Variants in SPRY3 observed in about 807,000 individuals in gnomAD.
SPRY3 encodes sprouty RTK signaling antagonist 3.
In SPRY3, 15 loss-of-function variants were observed where a neutral mutation model predicts 20.2. The ratio of observed to expected loss-of-function variants is 0.74; its 90% CI spans 0.50 to 1.14. The LOEUF (loss-of-function observed/expected upper bound fraction) is 1.14. Among genes scored for constraint, SPRY3 ranks in the 50% most tolerant of loss-of-function variants. SPRY3 has a pLI of 0.00. For synonymous variants in SPRY3, 143 were observed against 136.5 expected (o/e 1.05, Z -0.33); for missense variants, 364 against 363.9 (o/e 1.00, Z 0.00).
intron 2 of SPRY3, among the ~76,000 whole-genome samples, chrX:155,695,196 T>C (rs2068115015): frequency 9.0e-6 from 1 of 111,703 alleles, no homozygotes; most frequent in African/African-American, 3.3e-5. Context: ...GTTTTCCTTA[T>C]CTAGAAATGT....
chrX:155,759,488 G>A (rs1206771882), intron 2 of SPRY3, among the ~76,000 whole-genome samples: 2 of 151,902 alleles, frequency 1.3e-5, no homozygotes, highest in East Asian at 3.9e-4. Context: ...CTTGAAAACA[G>A]GGATTCATTT....
chrX:155,712,020 C>A (rs2124543166), intron 2 of SPRY3, among the ~76,000 whole-genome samples: 1 of 151,708 alleles, frequency 6.6e-6, no homozygotes, highest in South Asian at 2.1e-4. Flanking sequence ...TCCAAAATTT[C>A]TCTTGTTATT....
chrX:155,708,085 T>C (rs1230910785), intron 2 of SPRY3, among the ~76,000 whole-genome samples: 1 of 151,264 alleles, frequency 6.6e-6, no homozygotes, highest in Non-Finnish European at 1.5e-5. Context: ...ATTTTGTTAA[T>C]GGCTGCTCCA....
chrX:155,754,014 A>T lies in SPRY3; in HGVS notation c.-281-13948A>T, dbSNP rs141538142. Reference sequence around the variant, plus strand: ...TCCTTATCAGATATATGACTGGTAAACATTTTCTCCTATTCTGTGGGTTGC... The same window carrying T: ...TCCTTATCAGATATATGACTGGTAATCATTTTCTCCTATTCTGTGGGTTGC... On this transcript the variant is annotated intron_variant, in intron 2 of 3. Coordinates refer to ENST00000675360, the Ensembl canonical transcript of SPRY3. Among the ~76,000 whole-genome samples the T allele has an allele frequency of 7.4e-3, 1,130 of 152,056 alleles. 7 individuals carry two copies. Among genetic ancestry groups the T allele is most frequent in the Middle Eastern group, 0.017 (5 of 294 alleles).
At chrX:155,719,188 T>A (rs1282440696) in intron 2 of SPRY3, among the ~76,000 whole-genome samples, 1 of 152,124 alleles carries the variant, frequency 6.6e-6, no homozygotes, top group East Asian at 1.9e-4. Context: ...TTGTGAGGCA[T>A]TGAGTTTCGT....
intron 2 of SPRY3, among the ~76,000 whole-genome samples, chrX:155,729,019 A>G (rs2091116876): frequency 1.3e-5 from 2 of 152,302 alleles, no homozygotes; most frequent in South Asian, 4.1e-4. Flanking sequence ...GCAAGAGGAT[A>G]TAACAATTTT....
At chrX:155,637,620 G>T (rs1054019894) in intron 1 of SPRY3, among the ~76,000 whole-genome samples, 13 of 111,274 alleles carry the variant, frequency 1.2e-4, no homozygotes, top group Non-Finnish European at 2.3e-4. Flanking sequence ...GCATCATCAG[G>T]CCTGTGCTCC....
intron 2 of SPRY3, among the ~76,000 whole-genome samples, chrX:155,739,056 T>TG (rs947502410): frequency 3.3e-5 from 5 of 152,062 alleles, no homozygotes; most frequent in Non-Finnish European, 5.9e-5. Context: ...ATTGAGTTCC[T>TG]GGGGGGAGGG....
intron 2 of SPRY3, among the ~76,000 whole-genome samples, chrX:155,706,940 G>T (rs2090955999): frequency 6.6e-6 from 1 of 150,938 alleles, no homozygotes; most frequent in Admixed American, 6.6e-5. Context: ...ACAATTTATG[G>T]TTTAAATGAT....
chrX:155,778,286 G>T (rs1188819702), downstream of SPRY3: 2 of 167,064 alleles, frequency 1.2e-5, no homozygotes, highest in African/African-American at 2.4e-5. Context: ...CAACCTAGGA[G>T]TTAAAATAAG....
intron 1 of SPRY3, among the ~76,000 whole-genome samples, chrX:155,638,331 T>G (rs1557351203): frequency 3.5e-4 from 1 of 2,830 alleles, no homozygotes; most frequent in Non-Finnish European, 1.6e-3. Flanking sequence ...TATATATATA[T>G]ATATATATAT....
chrX:155,711,530 T>C (rs748826607), intron 2 of SPRY3, among the ~76,000 whole-genome samples: 144 of 151,822 alleles, frequency 9.5e-4, no homozygotes, highest in African/African-American at 3.3e-3. Context: ...TTTTATTTAT[T>C]TGGGCCTCTC....
At chrX:155,649,411 C>T (rs782528484) in intron 1 of SPRY3, among the ~76,000 whole-genome samples, 4 of 111,392 alleles carry the variant, frequency 3.6e-5, no homozygotes, top group Non-Finnish European at 7.5e-5. Context: ...TGTCAAAAAG[C>T]TTATCCACCA....
chrX:155,717,393 AC>A lies in SPRY3; in HGVS notation c.-281-50567del, dbSNP rs1460280420. Among the ~76,000 whole-genome samples, 5 of 152,026 alleles carry A rather than the reference AC, an allele frequency of 3.3e-5. No individual in the cohort carries two copies. In the East Asian group the frequency reaches 7.8e-4, roughly 24 times the overall value. ...CTGTAGGTCATCCCTCTTGTTTACT[AC>A]CTTTTTAAAAATACTTTAAGTTCTG... On this transcript the variant is annotated intron_variant, in intron 2 of 3. Transcript: ENST00000675360.
downstream of SPRY3, chrX:155,778,119 A>G (rs1428930642): frequency 6.0e-6 from 1 of 167,058 alleles, no homozygotes; most frequent in Non-Finnish European, 1.5e-5. Flanking sequence ...AAAAGGTAAC[A>G]ATTGTAAATG....
At chrX:155,667,552 T>A (rs782450191) in intron 2 of SPRY3, among the ~76,000 whole-genome samples, 2 of 111,272 alleles carry the variant, frequency 1.8e-5, no homozygotes, top group South Asian at 3.7e-4. Flanking sequence ...GAAACTCCTA[T>A]CTGGTGCCTT....
intron 2 of SPRY3, among the ~76,000 whole-genome samples, chrX:155,753,797 TTAA>T (rs1321903491): frequency 1.3e-5 from 2 of 152,026 alleles, no homozygotes. Flanking sequence ...CTAGTGGGTA[TTAA>T]GTTGTATCTA....
Position 155,706,003 on chromosome X carries a change from C to T in SPRY3, c.-282+48978C>T, listed in dbSNP as rs780919764. On this transcript the variant is annotated intron_variant, in intron 2 of 3. Transcript: ENST00000675360. ...ACAAGGATATAGAAGATCTGAACAGCACTAACAAGAACTAATTGACATTTA... is the reference window on the plus strand; with the variant it reads ...ACAAGGATATAGAAGATCTGAACAGTACTAACAAGAACTAATTGACATTTA... 2.6e-5 allele frequency among the ~76,000 whole-genome samples: 4 copies of T among 151,386 alleles called. No homozygotes were observed. The East Asian group carries it at 7.7e-4, about 29-fold the overall frequency.
rs187148778 is a variant in SPRY3 at position 155,680,380 on chromosome X, A to G, written c.-282+23355A>G. 1.1e-4 allele frequency among the ~76,000 whole-genome samples: 12 copies of G among 109,479 alleles called. 1 individual carries two copies. Among genetic ancestry groups the G allele is most frequent in the Admixed American group, 9.8e-4 (10 of 10,187 alleles). ...AGAATGGTGACGACTTAAGGTAGAA[A>G]TGGGAAATTATGGGCATGGGGAATA... On this transcript the variant is annotated intron_variant, in intron 2 of 3. Transcript: ENST00000675360.
Sources: allele counts gnomAD v4.1 joint callset (sites outside exome capture counted in the v4.1 genomes callset), GRCh38; gene constraint gnomAD v4.1.1; transcripts MANE v1.5; gene names NCBI Gene and HGNC (gene_info 2026-07-23, HGNC 2026-07-21).